IRAK2: variants seen among roughly 807,000 people sequenced by gnomAD.
IRAK2 encodes interleukin 1 receptor associated kinase 2.
In IRAK2, 57 loss-of-function variants were observed where a neutral mutation model predicts 72.0. That is an observed-to-expected ratio of 0.79 (90% CI 0.64 to 0.99). The LOEUF is 0.99. Among genes scored for constraint, IRAK2 ranks in the 50% least tolerant of loss-of-function variants. IRAK2 has a pLI of 0.00. For synonymous variants in IRAK2, 293 were observed against 312.7 expected (o/e 0.94, Z 0.67); for missense variants, 790 against 794.4 (o/e 0.99, Z 0.07).
At chr3:10,187,668 C>G (rs530196703) in intron 2 of IRAK2, among the ~76,000 whole-genome samples, 1 of 152,344 alleles carries the variant, frequency 6.6e-6, no homozygotes, top group South Asian at 2.1e-4. Flanking sequence ...TGTGAAGGCT[C>G]TGATACGTCC....
At chr3:10,189,014 A>G (rs1049751502) in intron 2 of IRAK2, among the ~76,000 whole-genome samples, 2 of 152,244 alleles carry the variant, frequency 1.3e-5, no homozygotes, top group East Asian at 1.9e-4. Flanking sequence ...GGATGCAACC[A>G]TGAAAACACA....
chr3:10,165,859 T>C (rs572191427), intron 1 of IRAK2, among the ~76,000 whole-genome samples: 1 of 151,782 alleles, frequency 6.6e-6, no homozygotes, highest in African/African-American at 2.4e-5. Flanking sequence ...GCCTTCTGAG[T>C]AGCTGGGACT....
chr3:10,167,489 A>C (rs561783453), intron 1 of IRAK2, among the ~76,000 whole-genome samples: 9 of 150,568 alleles, frequency 6.0e-5, no homozygotes, highest in East Asian at 5.9e-4. Flanking sequence ...ATCTCGGCTC[A>C]CTGCAAGCTC....
At chr3:10,199,103 A>C (rs1559445279) in intron 2 of IRAK2, among the ~76,000 whole-genome samples, 1 of 151,994 alleles carries the variant, frequency 6.6e-6, no homozygotes, top group Non-Finnish European at 1.5e-5. Context: ...ATACTTTGGT[A>C]AGAAGTAGCC....
chr3:10,200,733 CA>C (rs1424170719), intron 3 of IRAK2, among the ~76,000 whole-genome samples: 1 of 151,982 alleles, frequency 6.6e-6, no homozygotes, highest in Non-Finnish European at 1.5e-5. Flanking sequence ...CTTTTCTCTA[CA>C]AAAAATTTTA....
rs143890512 is a variant in IRAK2, at chr3:10,202,412, A to G, written c.424+1897A>G. Reference sequence around the variant, plus strand: ...GCTGAGGCGGGTGGATCACGAGGTCAGGAGATCAATACCATCCTGGCTAAC... The same window carrying G: ...GCTGAGGCGGGTGGATCACGAGGTCGGGAGATCAATACCATCCTGGCTAAC... On this transcript the variant is annotated intron_variant, in intron 3 of 12. Transcript: ENST00000256458. Among the ~76,000 whole-genome samples the G allele has an allele frequency of 3.3e-5, 5 of 152,224 alleles. No individual in the cohort carries two copies. The East Asian group carries it at 9.7e-4, about 29-fold the overall frequency.
At chr3:10,213,068 T>C (rs1287494149) in intron 4 of IRAK2, 139 bp from the exon 5 acceptor site, 3 of 731,646 alleles carry the variant, frequency 4.1e-6, no homozygotes, top group African/African-American at 1.8e-5. Flanking sequence ...GTGCCCGGCC[T>C]ATCCATGTCC....
chr3:10,182,516 C>T (rs989911743), intron 2 of IRAK2, among the ~76,000 whole-genome samples: 3 of 148,464 alleles, frequency 2.0e-5, no homozygotes, highest in African/African-American at 7.5e-5. Context: ...CTCCTGACCA[C>T]GTGATCCGCC....
At chr3:10,176,063 ATGTT>A (rs1696870103) in intron 1 of IRAK2, among the ~76,000 whole-genome samples, 1 of 120,126 alleles carries the variant, frequency 8.3e-6, no homozygotes, top group African/African-American at 3.4e-5. Flanking sequence ...TGTATTGTCC[ATGTT>A]TTTTTTTTTT....
rs1423760754 is a variant in IRAK2, at chr3:10,241,431, C to T, written c.1766-685C>T. 7.7e-4 allele frequency among the ~76,000 whole-genome samples: 116 copies of T among 150,556 alleles called. 2 individuals carry two copies. The highest frequency in any genetic ancestry group is 3.7e-4 in the African/African-American group (15 of 40,910). On this transcript the variant is annotated intron_variant, in intron 12 of 12. Transcript: ENST00000256458. Reference sequence around the variant, plus strand: ...AAAATTAGTTGGGCGTGGTGGTGGGCGCCTATAATCCCAGCTACTCAGGAG... The same window carrying T: ...AAAATTAGTTGGGCGTGGTGGTGGGTGCCTATAATCCCAGCTACTCAGGAG...
intron 10 of IRAK2, among the ~76,000 whole-genome samples, chr3:10,230,741 A>T (rs1022037580): frequency 2.0e-4 from 31 of 151,434 alleles, no homozygotes; most frequent in East Asian, 1.2e-3. Flanking sequence ...GCTAATTTTT[A>T]TTTTTATTTT....
In IRAK2 at chr3:10,229,870, G is replaced by A. The variant is rs191492521; in HGVS notation, c.1272+3437G>A. 9.2e-5 allele frequency among the ~76,000 whole-genome samples: 14 copies of A among 152,316 alleles called. No homozygotes were observed. The East Asian group carries it at 2.7e-3, about 29-fold the overall frequency. Reference sequence around the variant, plus strand: ...AATCGCGGCACTTTGGGAGGCTGAGGTGGGTGGATCACTTGAGTTCAGGAG... The same window carrying A: ...AATCGCGGCACTTTGGGAGGCTGAGATGGGTGGATCACTTGAGTTCAGGAG... On this transcript the variant is annotated intron_variant, in intron 10 of 12. Coordinates refer to ENST00000256458, the MANE Select transcript of IRAK2 (RefSeq NM_001570.4).
chr3:10,175,503 C>T (rs1441550427), intron 1 of IRAK2, among the ~76,000 whole-genome samples: 1 of 152,076 alleles, frequency 6.6e-6, no homozygotes, highest in Non-Finnish European at 1.5e-5. Context: ...CCTGCAATCC[C>T]AGCACTTTAA....
chr3:10,177,744 G>A, intron 1 of IRAK2, 94 bp from the exon 2 acceptor site: 2 of 1,245,104 alleles, frequency 1.6e-6, no homozygotes, highest in Non-Finnish European at 2.3e-6. Context: ...TGGGGAGGAT[G>A]TCCTGGAAAA....
rs546748117 is a variant in IRAK2, at chr3:10,185,295, T to C, written c.277+7275T>C. On this transcript the variant is annotated intron_variant, in intron 2 of 12. Transcript: ENST00000256458. ...CTGCTCGGCCCGGCGCGGTGGCTCA[T>C]GCATGTAATCCCAGCACTTTGGGAG... is the stretch of plus-strand genomic sequence containing the variant. 7.4e-3 allele frequency among the ~76,000 whole-genome samples: 1,090 copies of C among 148,206 alleles called. 45 individuals carry two copies. Among genetic ancestry groups the C allele is most frequent in the African/African-American group, 0.026 (1,027 of 39,784 alleles).
At chr3:10,213,117 C>T in intron 4 of IRAK2, 90 bp from the exon 5 acceptor site, 1 of 1,075,718 alleles carries the variant, frequency 9.3e-7, no homozygotes, top group Non-Finnish European at 1.4e-6. Context: ...TCCCCTCCAT[C>T]CCTCCATCTC....
Position 10,242,384 on chromosome 3 carries a change from G to A in IRAK2, c.*156G>A. The A allele has an allele frequency of 2.1e-6, 1 of 476,872 alleles. No homozygotes were observed. The highest frequency in any genetic ancestry group is 3.7e-6 in the Non-Finnish European group (1 of 268,334). 29.5% of individuals were successfully genotyped at this position (476,872 alleles called of 1,614,324 possible). A position where few individuals can be genotyped will look rare whatever the true frequency, so the allele number is the denominator to read the frequency against. On this transcript the variant is annotated 3_prime_UTR_variant, in exon 13 of 13. Coordinates refer to ENST00000256458, the MANE Select transcript of IRAK2 (RefSeq NM_001570.4). ...GGGAAACTTCATTTCACTGGAATGA[G>A]TTGGGAGAGAAAGGCCCTCAGCTTT...
chr3:10,221,398 C>T (rs369348048), intron 8 of IRAK2, among the ~76,000 whole-genome samples: 2 of 151,060 alleles, frequency 1.3e-5, no homozygotes, highest in Non-Finnish European at 2.9e-5. Flanking sequence ...GGACTACAGG[C>T]GCCTGCCACC....
At chr3:10,214,038 C>T (rs1248913584) in intron 6 of IRAK2, among the ~76,000 whole-genome samples, 2 of 151,944 alleles carry the variant, frequency 1.3e-5, no homozygotes, top group Non-Finnish European at 2.9e-5. Context: ...AGGTGATTCT[C>T]GTGCCTTAGC....
Sources: allele counts gnomAD v4.1 joint callset (sites outside exome capture counted in the v4.1 genomes callset), GRCh38; gene constraint gnomAD v4.1.1; transcripts MANE v1.5; gene names NCBI Gene and HGNC (gene_info 2026-07-23, HGNC 2026-07-21).